The following MYO1D variants were observed in gnomAD, a reference collection of about 807,000 sequenced individuals.
MYO1D encodes unconventional myosin-Id.
In MYO1D, 83 loss-of-function variants were observed where a neutral mutation model predicts 122.0. That is an observed-to-expected ratio of 0.68 (90% CI 0.57 to 0.82). The LOEUF is 0.82. Among genes scored for constraint, MYO1D ranks in the 40% least tolerant of loss-of-function variants. The pLI is 0.00. For missense variants in MYO1D, 1,157 were observed against 1,269.5 expected (o/e 0.91, Z 1.35); for synonymous variants, 464 against 446.9 (o/e 1.04, Z -0.48).
At chr17:32,815,419 G>A (rs1390215429) in intron 1 of MYO1D, among the ~76,000 whole-genome samples, 1 of 152,174 alleles carries the variant, frequency 6.6e-6, no homozygotes, top group African/African-American at 2.4e-5. Context: ...TTCCAAACTT[G>A]TGGCTCAAGA....
At chr17:32,699,060 G>A (rs773962760) in intron 16 of MYO1D, among the ~76,000 whole-genome samples, 3 of 151,858 alleles carry the variant, frequency 2.0e-5, no homozygotes, top group African/African-American at 4.8e-5. Flanking sequence ...CTCTGCCTCC[G>A]GGGTTCAAGC....
intron 1 of MYO1D, among the ~76,000 whole-genome samples, chr17:32,860,170 G>A (rs1249867007): frequency 6.6e-6 from 1 of 152,126 alleles, no homozygotes; most frequent in East Asian, 1.9e-4. Flanking sequence ...AGCTGAGGAT[G>A]AAACCAGCAC....
chr17:32,614,460 G>C (rs1226396223), intron 20 of MYO1D, among the ~76,000 whole-genome samples: 1 of 152,082 alleles, frequency 6.6e-6, no homozygotes, highest in Non-Finnish European at 1.5e-5. Flanking sequence ...AAATTGATTT[G>C]GCTGCTCTTT....
chr17:32,744,736 T>A (rs1462473485), intron 13 of MYO1D, among the ~76,000 whole-genome samples: 1 of 152,204 alleles, frequency 6.6e-6, no homozygotes, highest in Non-Finnish European at 1.5e-5. Context: ...TTTCCACATT[T>A]TGTTGGTTTG....
At chr17:32,497,422 A>G (rs990563904) in intron 21 of MYO1D, among the ~76,000 whole-genome samples, 9 of 152,220 alleles carry the variant, frequency 5.9e-5, no homozygotes, top group Admixed American at 3.3e-4. Context: ...ATGCCACTGC[A>G]TTCCAGCCTG....
At chr17:32,628,175 T>G (rs553465840) in intron 20 of MYO1D, among the ~76,000 whole-genome samples, 3 of 152,336 alleles carry the variant, frequency 2.0e-5, no homozygotes, top group South Asian at 2.1e-4. Flanking sequence ...CTGTAAAAAT[T>G]TTAACCTTTG....
intron 19 of MYO1D, among the ~76,000 whole-genome samples, chr17:32,642,940 G>A (rs765453527): frequency 3.9e-5 from 6 of 152,118 alleles, no homozygotes; most frequent in Non-Finnish European, 7.3e-5. Context: ...TGATTGCCCT[G>A]GCCAGAACTT....
At chr17:32,554,263 G>A (rs2087048700) in intron 21 of MYO1D, among the ~76,000 whole-genome samples, 1 of 151,992 alleles carries the variant, frequency 6.6e-6, no homozygotes, top group African/African-American at 2.4e-5. Flanking sequence ...AGCTACTCCT[G>A]ATGGGTGTAC....
intron 19 of MYO1D, 37 bp from the exon 20 acceptor site, chr17:32,638,872 T>C (rs2088147077): frequency 1.4e-6 from 2 of 1,401,470 alleles, no homozygotes; most frequent in Admixed American, 3.4e-5. Context: ...TAGTATCTCA[T>C]CAATAAGGAA....
chr17:32,793,334 CCTT>C (rs1409739386), intron 1 of MYO1D, among the ~76,000 whole-genome samples: 3 of 149,770 alleles, frequency 2.0e-5, no homozygotes, highest in Non-Finnish European at 4.4e-5. Flanking sequence ...AAACTTATTC[CCTT>C]CTTGTTCTCA....
chr17:32,732,459 C>T (rs2089652393), intron 14 of MYO1D, among the ~76,000 whole-genome samples: 1 of 152,182 alleles, frequency 6.6e-6, no homozygotes, highest in African/African-American at 2.4e-5. Context: ...GAGCTACCCA[C>T]CATGGGTCTC....
In MYO1D at chr17:32,494,642, C is replaced by T. The variant is rs1031254128; in HGVS notation, c.*117G>A. 8 of 1,236,678 alleles carry T rather than the reference C, an allele frequency of 6.5e-6. No individual in the cohort carries two copies. The East Asian group carries it at 7.7e-5, about 12-fold the overall frequency. The allele number at this position is 1,236,678 out of a possible 1,614,324, so 76.6% of individuals were successfully genotyped here. On this transcript the variant is annotated 3_prime_UTR_variant, in exon 22 of 22. Transcript: ENST00000318217. ...AAGGAAATCTTACAGGGGCGGGGCT[C>T]CTCTGGGAGGGGCCCTCGCAGCAGG...
At chr17:32,773,111 G>C (rs1272093628) in intron 4 of MYO1D, among the ~76,000 whole-genome samples, 4 of 152,216 alleles carry the variant, frequency 2.6e-5, no homozygotes, top group Admixed American at 2.6e-4. Context: ...GAGAAAGACT[G>C]ACTTACGACC....
intron 3 of MYO1D, among the ~76,000 whole-genome samples, chr17:32,776,932 T>C (rs1598090027): frequency 7.2e-5 from 11 of 152,312 alleles, no homozygotes; most frequent in Admixed American, 3.3e-4. Context: ...CTGAAATAAC[T>C]TGATGTAGAA....
intron 21 of MYO1D, among the ~76,000 whole-genome samples, chr17:32,539,324 C>G (rs1910765217): frequency 7.1e-6 from 1 of 140,886 alleles, no homozygotes. Flanking sequence ...CACACACACA[C>G]AGAGCAGCAT....
At chr17:32,778,700 AT>A (rs375609935) in intron 2 of MYO1D, 127 bp from the exon 3 acceptor site, 2 of 894,340 alleles carry the variant, frequency 2.2e-6, no homozygotes. Flanking sequence ...GCACTGTTTC[AT>A]TTTTTTGCTT....
chr17:32,620,723 G>A (rs1276159356), intron 20 of MYO1D, among the ~76,000 whole-genome samples: 1 of 152,122 alleles, frequency 6.6e-6, no homozygotes, highest in East Asian at 1.9e-4. Context: ...AGAACTTGAA[G>A]GCCCAACTTC....
chr17:32,585,653 G>T (rs1287266198), intron 21 of MYO1D, among the ~76,000 whole-genome samples: 1 of 151,394 alleles, frequency 6.6e-6, no homozygotes, highest in Non-Finnish European at 1.5e-5. Flanking sequence ...TCTTTTGAAC[G>T]TGGGAGGCGG....
chr17:32,624,025 A>G (rs1331319292), intron 20 of MYO1D, among the ~76,000 whole-genome samples: 3 of 152,086 alleles, frequency 2.0e-5, no homozygotes, highest in Non-Finnish European at 2.9e-5. Context: ...TCTCTCACAC[A>G]CATATACGTA....
Sources: allele counts gnomAD v4.1 joint callset (sites outside exome capture counted in the v4.1 genomes callset), GRCh38; gene constraint gnomAD v4.1.1; transcripts MANE v1.5; gene names NCBI Gene and HGNC (gene_info 2026-07-23, HGNC 2026-07-21).